The following EYA4 variants were observed in gnomAD, a reference collection of about 807,000 sequenced individuals.
The protein encoded by EYA4 is EYA transcriptional coactivator and phosphatase 4, also known as protein phosphatase EYA4.
Under a neutral mutation model 87.9 loss-of-function variants are expected in EYA4, and 31 were observed. The ratio of observed to expected loss-of-function variants is 0.35; its 90% CI spans 0.27 to 0.48. EYA4 has a LOEUF of 0.48. Among genes scored for constraint, EYA4 ranks in the 20% least tolerant of loss-of-function variants. EYA4 has a pLI of 0.99. For missense variants in EYA4, 678 were observed against 761.4 expected (o/e 0.89, Z 1.29); for synonymous variants, 263 against 270.6 (o/e 0.97, Z 0.28).
In EYA4 at chr6:133,274,761, A is replaced by G; in HGVS notation, c.-20A>G. On this transcript the variant is annotated 5_prime_UTR_variant, in exon 2 of 20. Transcript: ENST00000355286. The stretch of plus-strand genomic sequence containing the variant: ...GAAGCTGCTTCTACTTGGGAGTGGC[A>G]GGAGAAGTGAGAAAACCACATGGAA... 1 of 1,611,086 alleles carries G rather than the reference A, an allele frequency of 6.2e-7. No individual in the cohort carries two copies. The highest frequency in any genetic ancestry group is 8.5e-7 in the Non-Finnish European group (1 of 1,177,400).
At chr6:133,244,617 C>G (rs1471176050) in intron 1 of EYA4, among the ~76,000 whole-genome samples, 3 of 125,352 alleles carry the variant, frequency 2.4e-5, no homozygotes, top group Non-Finnish European at 3.4e-5. Flanking sequence ...TTTAATAAGG[C>G]TCTTTGGGTT....
At chr6:133,368,249 TAA>T (rs993603586) in intron 2 of EYA4, among the ~76,000 whole-genome samples, 1 of 152,204 alleles carries the variant, frequency 6.6e-6, no homozygotes, top group Non-Finnish European at 1.5e-5. Context: ...TTTATATTTA[TAA>T]AGTCTTCACC....
chr6:133,327,594 C>T (rs1781599203), intron 2 of EYA4, among the ~76,000 whole-genome samples: 1 of 152,084 alleles, frequency 6.6e-6, no homozygotes, highest in Admixed American at 6.6e-5. Flanking sequence ...TTGTTTTTCC[C>T]CGAGTAACAA....
At chr6:133,422,003 T>G (rs537993780) in intron 3 of EYA4, among the ~76,000 whole-genome samples, 3 of 152,324 alleles carry the variant, frequency 2.0e-5, no homozygotes, top group Admixed American at 6.5e-5. Context: ...ATGTGAAAGT[T>G]TTAGTATCAG....
At chr6:133,519,894 C>A (rs1799957269) in intron 17 of EYA4, among the ~76,000 whole-genome samples, 1 of 151,342 alleles carries the variant, frequency 6.6e-6, no homozygotes, top group South Asian at 2.1e-4. Context: ...AAGACAAAAA[C>A]CACATGATTA....
intron 2 of EYA4, among the ~76,000 whole-genome samples, chr6:133,332,820 G>C (rs296414): frequency 0.45 from 66,867 of 150,230 alleles, 15,402 homozygotes; most frequent in Non-Finnish European, 0.53. Context: ...CGTTGGCCTC[G>C]CAGAGTGCTG....
At chr6:133,272,233 C>G (rs997083905) in intron 1 of EYA4, among the ~76,000 whole-genome samples, 3 of 152,290 alleles carry the variant, frequency 2.0e-5, no homozygotes, top group Admixed American at 1.3e-4. Flanking sequence ...ATTTGTGAAT[C>G]AGGCCCTAGT....
In EYA4 at chr6:133,273,507, C is replaced by G. The variant is rs1811876; in HGVS notation, c.-65-1209C>G. Reference sequence around the variant, plus strand: ...ACTCAGTATTAACCACCACAGTGTCCGATTGTTTCTTTAGATTGTAATACT... The same window carrying G: ...ACTCAGTATTAACCACCACAGTGTCGGATTGTTTCTTTAGATTGTAATACT... On this transcript the variant is annotated intron_variant, in intron 1 of 19. Transcript: ENST00000355286. Among the ~76,000 whole-genome samples, 481 of 151,948 alleles carry G rather than the reference C, an allele frequency of 3.2e-3. 1 individual carries two copies. The highest frequency in any genetic ancestry group is 0.014 in the Middle Eastern group (4 of 290).
intron 13 of EYA4, among the ~76,000 whole-genome samples, chr6:133,485,454 T>C (rs1049167075): frequency 1.6e-4 from 25 of 151,818 alleles, no homozygotes; most frequent in African/African-American, 5.3e-4. Context: ...AGGAAACATA[T>C]CCAGAGAAGT....
chr6:133,468,440 G>A (rs1795034630), intron 10 of EYA4, 126 bp from the exon 11 acceptor site: 1 of 789,414 alleles, frequency 1.3e-6, no homozygotes, highest in African/African-American at 1.7e-5. Flanking sequence ...TCACCTCAAA[G>A]CTGTGGACTC....
chr6:133,482,356 C>T lies in EYA4; in HGVS notation c.1108-676C>T, dbSNP rs371454197. On this transcript the variant is annotated intron_variant, in intron 12 of 19. Transcript: ENST00000355286. The stretch of plus-strand genomic sequence containing the variant: ...TTGACAGATGATATAAATGAGTGAC[C>T]GGGCTGAGTTGCCCAGCAGACTGTG... 8.1e-4 allele frequency among the ~76,000 whole-genome samples: 124 copies of T among 152,254 alleles called. 1 individual carries two copies. In the South Asian group the frequency reaches 0.023, roughly 28 times the overall value.
At chr6:133,280,643 C>T (rs1356305553) in intron 2 of EYA4, among the ~76,000 whole-genome samples, 4 of 152,154 alleles carry the variant, frequency 2.6e-5, no homozygotes, top group South Asian at 2.1e-4. Flanking sequence ...TGATCTGCCT[C>T]GTTGGCCTCC....
intron 5 of EYA4, among the ~76,000 whole-genome samples, chr6:133,451,077 C>T (rs1384587124): frequency 6.6e-6 from 1 of 152,146 alleles, no homozygotes; most frequent in Non-Finnish European, 1.5e-5. Flanking sequence ...GAGGTCAGGC[C>T]TTGTGGGCTG....
intron 1 of EYA4, among the ~76,000 whole-genome samples, chr6:133,245,858 A>T (rs1774364529): frequency 6.6e-6 from 1 of 152,178 alleles, no homozygotes; most frequent in Non-Finnish European, 1.5e-5. Flanking sequence ...CATTACTGTC[A>T]CTCAATATTG....
chr6:133,525,048 GATT>G, intron 18 of EYA4, 103 bp from the exon 19 acceptor site: 1 of 1,613,664 alleles, frequency 6.2e-7, no homozygotes, highest in South Asian at 1.1e-5. Flanking sequence ...ATAGTGTCCA[GATT>G]TGGCACTAAC....
chr6:133,251,068 T>C (rs1043715893), intron 1 of EYA4, among the ~76,000 whole-genome samples: 2 of 152,248 alleles, frequency 1.3e-5, no homozygotes, highest in Non-Finnish European at 2.9e-5. Flanking sequence ...ACACTATAGG[T>C]GCTCAACAGT....
chr6:133,467,345 A>G (rs1794940413), intron 10 of EYA4, among the ~76,000 whole-genome samples: 1 of 152,114 alleles, frequency 6.6e-6, no homozygotes, highest in African/African-American at 2.4e-5. Flanking sequence ...TCCCCTTCAA[A>G]GTAAAATGAA....
At chr6:133,331,415 G>GTCA (rs1781950689) in intron 2 of EYA4, among the ~76,000 whole-genome samples, 1 of 152,108 alleles carries the variant, frequency 6.6e-6, no homozygotes, top group African/African-American at 2.4e-5. Context: ...GAATCCCTGT[G>GTCA]TCATCATCAG....
At chr6:133,268,293 C>A (rs1002720138) in intron 1 of EYA4, among the ~76,000 whole-genome samples, 5 of 152,056 alleles carry the variant, frequency 3.3e-5, no homozygotes, top group African/African-American at 1.2e-4. Context: ...ACTTTTGGGG[C>A]TGTTTTTCTT....
Sources: gnomAD v4.1 joint callset for allele counts (sites outside exome capture counted in the v4.1 genomes callset) on GRCh38, gnomAD v4.1.1 for gene constraint, MANE v1.5 for transcripts, NCBI Gene and HGNC (gene_info 2026-07-23, HGNC 2026-07-21) for gene names.